The following ZNF346 variants were observed in gnomAD, a reference collection of about 807,000 sequenced individuals.
ZNF346 encodes the protein double-stranded RNA-binding zinc finger protein JAZ.
Under a neutral mutation model 33.7 loss-of-function variants are expected in ZNF346, and 23 were observed. The observed-to-expected ratio is 0.68, with a 90% CI of 0.49 to 0.97. ZNF346 has a LOEUF of 0.97. Ranked by LOEUF, ZNF346 falls within the 50% of genes least tolerant of loss-of-function variation. The pLI is 0.00. For missense variants in ZNF346, 340 were observed against 371.1 expected (o/e 0.92, Z 0.69); for synonymous variants, 134 against 142.4 (o/e 0.94, Z 0.42).
At chr5:177,059,104 A>G (rs900457101) in intron 5 of ZNF346, among the ~76,000 whole-genome samples, 4 of 152,174 alleles carry the variant, frequency 2.6e-5, no homozygotes, top group African/African-American at 7.2e-5. Context: ...CATTTAGTTC[A>G]TTCATTTAGT....
downstream of ZNF346, among the ~76,000 whole-genome samples, chr5:177,069,533 T>TTTTTTG (rs1181154536): frequency 6.6e-6 from 1 of 152,012 alleles, no homozygotes; most frequent in African/African-American, 2.4e-5. Flanking sequence ...GCCATCCTAC[T>TTTTTTG]TTTTTGTTTT....
At chr5:177,078,146 C>CA (rs1445313358) in intron 8 of ZNF346, among the ~76,000 whole-genome samples, 2 of 151,590 alleles carry the variant, frequency 1.3e-5, no homozygotes, top group African/African-American at 2.4e-5. Flanking sequence ...GACTCCATCT[C>CA]AAAAAAAGAA....
rs373293858 is a variant in ZNF346, at chr5:177,044,447, C to T, written c.431C>T (p.Ser144Phe). The T allele has an allele frequency of 2.7e-5, 43 of 1,613,994 alleles. No individual in the cohort carries two copies. Among genetic ancestry groups the T allele is most frequent in the Non-Finnish European group, 3.3e-5 (39 of 1,180,036 alleles). The change falls in exon 4 of 7, where the codon TCC becomes TTC. Residue 144 changes from serine to phenylalanine, a missense_variant. Ser to Phe is a radical substitution (Grantham distance 155). Transcript: ENST00000358149. ...TGCCCCATCTGTAACATGACCTTTTCCTCCCCTGTCGTGGCCCAGTCGCAC... is the reference window on the plus strand; with the variant it reads ...TGCCCCATCTGTAACATGACCTTTTTCTCCCCTGTCGTGGCCCAGTCGCAC... ...QCCPICNMTF[S>F]SPVVAQSHYL...
At position 177,041,841 on chromosome 5, in the gene ZNF346, G is replaced by T; in HGVS notation, c.343G>T (p.Gly115Trp). The stretch of plus-strand genomic sequence containing the variant: ...AATCCATGGAATGGAGACATTAAAG[G>T]GGGAAACGAAGAAGCTAGACTCAGA... Reference protein sequence around the residue: ...LAIHGMETLKGETKKLDSDQK... With the variant: ...LAIHGMETLKWETKKLDSDQK... The change falls in exon 3 of 7, where the codon GGG becomes TGG. Residue 115 changes from glycine to tryptophan, a missense_variant. By Grantham distance (184) the Gly-to-Trp change is radical. Coordinates refer to ENST00000358149, the MANE Select transcript of ZNF346 (RefSeq NM_012279.4). The T allele has an allele frequency of 6.2e-7, 1 of 1,613,456 alleles. No homozygotes were observed. Among genetic ancestry groups the T allele is most frequent in the Non-Finnish European group, 8.5e-7 (1 of 1,179,494 alleles).
rs890288430 is a variant in ZNF346, at chr5:177,064,849, A to G, written c.*250A>G. ...GAGACTCGGGGTCTCGCGGGGTGGT[A>G]GTTTGGAGGGTGGCTTTCCCCATTT... On this transcript the variant is annotated 3_prime_UTR_variant, in exon 7 of 7. Transcript: ENST00000358149. 1.4e-5 allele frequency: 7 copies of G among 487,708 alleles called. No individual in the cohort carries two copies. Among genetic ancestry groups the G allele is most frequent in the Non-Finnish European group, 2.2e-5 (6 of 271,866 alleles). The allele number at this position is 487,708 out of a possible 1,614,324, so 30.2% of individuals were successfully genotyped here.
intron 1 of ZNF346, among the ~76,000 whole-genome samples, chr5:177,031,088 T>G (rs529047724): frequency 6.6e-6 from 1 of 152,202 alleles, no homozygotes; most frequent in Non-Finnish European, 1.5e-5. Flanking sequence ...CAGGCTGGAG[T>G]GCAGTGGCGC....
At position 177,062,020 on chromosome 5, in the gene ZNF346, T is replaced by G. The variant is rs772787873; in HGVS notation, c.704-38T>G. Reference sequence around the variant, plus strand: ...AAGCAACGGTCTTCAGGTTCCTTCTTTCTGGATTACTAAGATCTTGATTTT... The same window carrying G: ...AAGCAACGGTCTTCAGGTTCCTTCTGTCTGGATTACTAAGATCTTGATTTT... On this transcript the variant is annotated intron_variant, in intron 5 of 6. Transcript: ENST00000358149. 7 of 1,576,716 alleles carry G rather than the reference T, an allele frequency of 4.4e-6. No homozygotes were observed. The South Asian group carries it at 5.6e-5, about 13-fold the overall frequency.
At chr5:177,055,992 C>T (rs1413604613) in intron 5 of ZNF346, among the ~76,000 whole-genome samples, 2 of 150,544 alleles carry the variant, frequency 1.3e-5, no homozygotes, top group African/African-American at 4.9e-5. Context: ...ACAAGAATCA[C>T]TTGAACCCAG....
chr5:177,059,820 C>T lies in ZNF346; in HGVS notation c.704-2238C>T, dbSNP rs148365411. On this transcript the variant is annotated intron_variant, in intron 5 of 6. Transcript: ENST00000358149. Reference sequence around the variant, plus strand: ...GGCATTGTGGTAAATACGTAGTAAACAAGACAGGTATTGTCTGTGTTCTTA... The same window carrying T: ...GGCATTGTGGTAAATACGTAGTAAATAAGACAGGTATTGTCTGTGTTCTTA... Among the ~76,000 whole-genome samples the T allele has an allele frequency of 4.7e-4, 72 of 152,250 alleles. 1 individual carries two copies. The highest frequency in any genetic ancestry group is 1.5e-3 in the African/African-American group (63 of 41,532).
At chr5:177,036,094 A>C (rs1480521734) in intron 1 of ZNF346, among the ~76,000 whole-genome samples, 1 of 151,866 alleles carries the variant, frequency 6.6e-6, no homozygotes, top group Non-Finnish European at 1.5e-5. Context: ...TTGCAGTCAG[A>C]TGGTGGCTCA....
intron 4 of ZNF346, among the ~76,000 whole-genome samples, chr5:177,046,424 TTTCAGCTTTTGCC>T (rs1780056454): frequency 6.6e-6 from 1 of 152,190 alleles, no homozygotes; most frequent in South Asian, 2.1e-4. Flanking sequence ...CCATATTCAC[TTTCAGCTTTTGCC>T]ACATACTTTG....
intron 3 of ZNF346, 88 bp from the exon 4 acceptor site, chr5:177,044,301 C>A: frequency 6.7e-7 from 1 of 1,497,878 alleles, no homozygotes; most frequent in Non-Finnish European, 9.2e-7. Context: ...GCCATAAATG[C>A]CTGTTCTGTT....
chr5:177,062,143 C>A lies in ZNF346; in HGVS notation c.789C>A (p.His263Gln). ...QYQAHVSGFK[H>Q]KNQSPKTVAS... ...AAGCTCATGTCAGCGGCTTCAAACA[C>A]AAGAACCAGTAAGTAACCATTTTTT... is the stretch of plus-strand genomic sequence containing the variant. The change falls in exon 6 of 7, where the codon CAC (histidine) becomes CAA (glutamine). Residue 263 changes from histidine (H) to glutamine (Q), a missense_variant. His to Gln is a conservative substitution (Grantham distance 24). Coordinates refer to ENST00000358149, the MANE Select transcript of ZNF346 (RefSeq NM_012279.4). The A allele has an allele frequency of 6.2e-7, 1 of 1,613,824 alleles. No homozygotes were observed. Among genetic ancestry groups the A allele is most frequent in the Non-Finnish European group, 8.5e-7 (1 of 1,179,766 alleles).
chr5:177,032,513 C>G (rs1274920897), intron 1 of ZNF346, among the ~76,000 whole-genome samples: 1 of 151,978 alleles, frequency 6.6e-6, no homozygotes, highest in Admixed American at 6.6e-5. Flanking sequence ...TGGGTTCAAG[C>G]GATTCTCCTG....
At chr5:177,069,627 C>A (rs567880860), downstream of ZNF346, among the ~76,000 whole-genome samples, 5 of 152,142 alleles carry the variant, frequency 3.3e-5, no homozygotes, top group South Asian at 1.0e-3. Context: ...ACCTCCTGGG[C>A]TCAAGTGATC....
At chr5:177,034,041 C>G (rs1778113668) in intron 1 of ZNF346, among the ~76,000 whole-genome samples, 2 of 151,298 alleles carry the variant, frequency 1.3e-5, no homozygotes, top group South Asian at 4.2e-4. Flanking sequence ...ACCACCATAC[C>G]CAGCTAATTT....
In ZNF346 at chr5:177,031,998, C is replaced by CT. The variant is rs34021834; in HGVS notation, c.176-9102dup. 6.7e-3 allele frequency among the ~76,000 whole-genome samples: 453 copies of CT among 67,848 alleles called. 16 individuals carry two copies. The highest frequency in any genetic ancestry group is 0.029 in the Middle Eastern group (3 of 104). 44.5% of individuals were successfully genotyped at this position (67,848 alleles called of 152,430 possible). ...GCTTTCTTCATGCCTTTTCTTTTTT[C>CT]TTTTTTTTTTTTTTTTTTTTTTTTT... is the stretch of plus-strand genomic sequence containing the variant. On this transcript the variant is annotated intron_variant, in intron 1 of 6. Transcript: ENST00000358149.
chr5:177,059,608 A>AATC (rs1782201702), intron 5 of ZNF346, among the ~76,000 whole-genome samples: 1 of 29,060 alleles, frequency 3.4e-5, no homozygotes, highest in African/African-American at 2.3e-4. Context: ...AGGTTACTGA[A>AATC]ATCCTCTGCT....
intron 8 of ZNF346, among the ~76,000 whole-genome samples, chr5:177,074,244 T>C (rs1783639082): frequency 6.6e-6 from 1 of 152,256 alleles, no homozygotes; most frequent in Admixed American, 6.5e-5. Context: ...TTTACCCTTC[T>C]TCCTATAATA....
Sources: gnomAD v4.1 joint callset for allele counts (sites outside exome capture counted in the v4.1 genomes callset) on GRCh38, gnomAD v4.1.1 for gene constraint, MANE v1.5 for transcripts, NCBI Gene and HGNC (gene_info 2026-07-23, HGNC 2026-07-21) for gene names.